Variants in SCYL2 observed in about 807,000 individuals in gnomAD.
SCYL2 encodes SCY1 like pseudokinase 2, also known as SCY1-like protein 2.
Under a neutral mutation model 100.4 loss-of-function variants are expected in SCYL2, and 36 were observed. The observed-to-expected ratio is 0.36, with a 90% CI of 0.27 to 0.47. SCYL2 has a LOEUF of 0.47. SCYL2 is among the 20% of genes least tolerant of loss of function. The pLI, the probability that SCYL2 is intolerant of heterozygous loss-of-function variation, is 1.00. For synonymous variants in SCYL2, 330 were observed against 359.2 expected (o/e 0.92, Z 0.92); for missense variants, 902 against 1,083.9 (o/e 0.83, Z 2.36).
rs867371754 is a variant in SCYL2, at chr12:100,267,379, T to G, written c.-442T>G. 3 of 268,002 alleles carry G rather than the reference T, an allele frequency of 1.1e-5. No homozygotes were observed. Among genetic ancestry groups the G allele is most frequent in the South Asian group, 7.6e-5 (1 of 13,156 alleles). 16.6% of individuals were successfully genotyped at this position (268,002 alleles called of 1,614,324 possible). On this transcript the variant is annotated 5_prime_UTR_variant, in exon 1 of 18. Transcript: ENST00000360820. ...GGGGAAAGAGCCCCAGCACCGCCCC[T>G]CCTGGAAGAAGGAAGAGGTAAGTGA... is the stretch of plus-strand genomic sequence containing the variant.
At chr12:100,301,123 A>G (rs1427662988) in intron 4 of SCYL2, among the ~76,000 whole-genome samples, 2 of 152,198 alleles carry the variant, frequency 1.3e-5, no homozygotes, top group Non-Finnish European at 2.9e-5. Context: ...CCAACAGTGT[A>G]CGAGGGTTCT....
chr12:100,309,700 C>A (rs1372270122), intron 4 of SCYL2, among the ~76,000 whole-genome samples: 1 of 152,176 alleles, frequency 6.6e-6, no homozygotes. Flanking sequence ...TGAATTGCTT[C>A]CACATTTTGG....
chr12:100,310,939 A>C lies in SCYL2; in HGVS notation c.481-105A>C, dbSNP rs2096341377. ...AAATTTGATTTTTAGCTGACACGCA[A>C]AACTTTTATTGTGAAGAGTAGCAAT... is the stretch of plus-strand genomic sequence containing the variant. On this transcript the variant is annotated intron_variant, in intron 4 of 17. Transcript: ENST00000360820. The C allele has an allele frequency of 8.7e-6, 10 of 1,153,596 alleles. No homozygotes were observed. The South Asian group carries it at 1.8e-4, about 21-fold the overall frequency. The allele number at this position is 1,153,596 out of a possible 1,614,324, so 71.5% of individuals were successfully genotyped here.
intron 3 of SCYL2, among the ~76,000 whole-genome samples, chr12:100,295,776 A>T (rs897842337): frequency 3.4e-5 from 3 of 88,952 alleles, no homozygotes; most frequent in African/African-American, 1.7e-4. Context: ...GAGACGGGAG[A>T]GGGAGAGGGA....
In SCYL2 at chr12:100,267,555, GCGGCCGGCCGGGCGATCGGCGGT is replaced by G. The variant is rs974690377; in HGVS notation, c.-261_-239del. 10 of 152,628 alleles carry G rather than the reference GCGGCCGGCCGGGCGATCGGCGGT, an allele frequency of 6.6e-5. No homozygotes were observed. The highest frequency in any genetic ancestry group is 2.4e-4 in the African/African-American group (10 of 41,460). 9.5% of individuals were successfully genotyped at this position (152,628 alleles called of 1,614,324 possible). The stretch of plus-strand genomic sequence containing the variant: ...GTGTTGCCTGGTGACGGGCCTGCCG[GCGGCCGGCCGGGCGATCGGCGGT>G]CGGCGCCCGCGCAAAGCGGGGCTGG... On this transcript the variant is annotated 5_prime_UTR_variant, in exon 1 of 18. Transcript: ENST00000360820.
At chr12:100,301,464 T>A (rs181757769) in intron 4 of SCYL2, among the ~76,000 whole-genome samples, 1 of 152,240 alleles carries the variant, frequency 6.6e-6, no homozygotes. Flanking sequence ...TTTCACTTTG[T>A]TGTTTATTTC....
chr12:100,273,028 A>G (rs1029334436), intron 1 of SCYL2, among the ~76,000 whole-genome samples: 2 of 152,080 alleles, frequency 1.3e-5, no homozygotes, highest in Admixed American at 6.6e-5. Context: ...TGAATTGCAT[A>G]TTGAAGTTCT....
chr12:100,294,322 AGGGGCGGCTGGGC>A, intron 3 of SCYL2, among the ~76,000 whole-genome samples: 1 of 106,648 alleles, frequency 9.4e-6, no homozygotes, highest in African/African-American at 3.6e-5. Flanking sequence ...ACTTCCCAGT[AGGGGCGGCTGGGC>A]AGAGGCGCCC....
At chr12:100,316,441 T>A (rs1048382059) in intron 9 of SCYL2, among the ~76,000 whole-genome samples, 1 of 152,246 alleles carries the variant, frequency 6.6e-6, no homozygotes, top group Non-Finnish European at 1.5e-5. Context: ...TGAGATTAAA[T>A]GAAATTTTCT....
chr12:100,315,608 C>T lies in SCYL2; in HGVS notation c.1146C>T (p.Asn382=). The T allele has an allele frequency of 6.2e-7, 1 of 1,610,460 alleles. No homozygotes were observed. The highest frequency in any genetic ancestry group is 8.5e-7 in the Non-Finnish European group (1 of 1,178,038). Residue 382 remains asparagine, a synonymous_variant, in exon 9 of 18, where the codon AAC becomes AAT. Transcript: ENST00000360820. The stretch of plus-strand genomic sequence containing the variant: ...CTTGTTTGACTTCAGAATTTGTAAA[C>T]CCTGACATGGTACCTTTTGTTTTGC... ...ILPCLTSEFV[N]PDMVPFVLPN... is the part of the protein sequence containing the mutation.
intron 8 of SCYL2, 80 bp downstream of exon 8, chr12:100,314,694 C>A: frequency 1.5e-6 from 2 of 1,315,410 alleles, no homozygotes; most frequent in Non-Finnish European, 2.1e-6. Context: ...ATAACTCTTC[C>A]AAGAAAATAA....
intron 1 of SCYL2, among the ~76,000 whole-genome samples, chr12:100,271,205 A>AG (rs909753510): frequency 6.6e-6 from 1 of 150,958 alleles, no homozygotes; most frequent in African/African-American, 2.4e-5. Context: ...TATTTCAAGA[A>AG]TACATCTTAA....
rs772210503 is a variant in SCYL2 at position 100,323,542 on chromosome 12, C to T, written c.1413C>T (p.Ile471=). 2 of 1,586,922 alleles carry T rather than the reference C, an allele frequency of 1.3e-6. No individual in the cohort carries two copies. The highest frequency in any genetic ancestry group is 1.1e-5 in the South Asian group (1 of 88,796). ...CTTTATAGGAGCTCTGTCTAAACAT[C>T]ATTCCAACCTTTGCAAATCTTATAG... is the stretch of plus-strand genomic sequence containing the variant. The part of the protein sequence containing the change: ...SIQIQELCLN[I]IPTFANLIDY... Residue 471 remains isoleucine, a synonymous_variant, in exon 11 of 18, where the codon ATC becomes ATT. Transcript: ENST00000360820.
intron 8 of SCYL2, among the ~76,000 whole-genome samples, chr12:100,315,244 G>A (rs1394001809): frequency 6.6e-6 from 1 of 152,190 alleles, no homozygotes; most frequent in African/African-American, 2.4e-5. Context: ...TTTATGTTGT[G>A]TGGTATGAAT....
Position 100,339,511 on chromosome 12 carries a change from T to C in SCYL2, c.*339T>C. The C allele has an allele frequency of 3.8e-6, 1 of 262,682 alleles. No individual in the cohort carries two copies. Among genetic ancestry groups the C allele is most frequent in the Non-Finnish European group, 7.3e-6 (1 of 137,308 alleles). 16.3% of individuals were successfully genotyped at this position (262,682 alleles called of 1,614,324 possible). A position where few individuals can be genotyped will look rare whatever the true frequency, so the allele number is the denominator to read the frequency against. The stretch of plus-strand genomic sequence containing the variant: ...TTGGCTTGTGGATCTTGGTGTTATT[T>C]AAAAAATTGAGGTGATGGTCATTGC... On this transcript the variant is annotated 3_prime_UTR_variant, in exon 18 of 18. Transcript: ENST00000360820.
intron 9 of SCYL2, 148 bp downstream of exon 9, chr12:100,315,882 A>G (rs1227370946): frequency 1.6e-6 from 1 of 640,482 alleles, no homozygotes; most frequent in Non-Finnish European, 2.5e-6. Flanking sequence ...GCTGCTTTAC[A>G]TGTTTGAACC....
chr12:100,329,231 A>T lies in SCYL2; in HGVS notation c.1673A>T (p.Lys558Met). 6.2e-7 allele frequency: 1 copy of T among 1,603,150 alleles called. No homozygotes were observed. The highest frequency in any genetic ancestry group is 8.5e-7 in the Non-Finnish European group (1 of 1,170,270). The change falls in exon 13 of 18, where the codon AAG (lysine) becomes ATG (methionine). Residue 558 changes from lysine to methionine, a missense_variant. Coordinates refer to ENST00000360820, the MANE Select transcript of SCYL2 (RefSeq NM_017988.6). ...GIYKCTFTHK[K>M]LGITKEQLAG... ...TACAAATGTACTTTTACTCATAAGA[A>T]GTTGGGAATCACCAAAGAGCAGCTG... is the stretch of plus-strand genomic sequence containing the variant.
intron 1 of SCYL2, among the ~76,000 whole-genome samples, chr12:100,281,743 A>T (rs2096298652): frequency 6.6e-6 from 1 of 151,286 alleles, no homozygotes; most frequent in South Asian, 2.1e-4. Flanking sequence ...CTGAGGCAGG[A>T]GAATGGCGTG....
intron 1 of SCYL2, among the ~76,000 whole-genome samples, chr12:100,278,630 CTTTT>C (rs66782127): frequency 4.2e-5 from 5 of 120,478 alleles, no homozygotes; most frequent in Non-Finnish European, 6.9e-5. Context: ...TGGGGAAATT[CTTTT>C]TTTTTTTTTT....
Sources: gnomAD v4.1 joint callset for allele counts (sites outside exome capture counted in the v4.1 genomes callset) on GRCh38, gnomAD v4.1.1 for gene constraint, MANE v1.5 for transcripts, NCBI Gene and HGNC (gene_info 2026-07-23, HGNC 2026-07-21) for gene names.